ABI3BP: variants seen among roughly 807,000 people sequenced by gnomAD.
The protein encoded by ABI3BP is target of Nesh-SH3.
ABI3BP carries 216 observed loss-of-function variants against 268.6 expected under a neutral mutation model. The observed-to-expected ratio is 0.80, with a 90% CI of 0.72 to 0.90. ABI3BP has a LOEUF of 0.90. ABI3BP is among the 40% of genes least tolerant of loss of function. The probability of loss-of-function intolerance (pLI) is 0.00; values close to 1 mark genes in which losing one functional copy is unlikely to be tolerated. For synonymous variants in ABI3BP, 730 were observed against 730.0 expected (o/e 1.00, Z 0.00); for missense variants, 2,090 against 2,182.4 (o/e 0.96, Z 0.84).
intron 34 of ABI3BP, 55 bp from the exon 35 acceptor site, chr3:100,825,899 A>G: frequency 7.8e-7 from 1 of 1,281,856 alleles, no homozygotes. Flanking sequence ...GAGCTATAGT[A>G]TTCACATCAA....
Position 100,885,697 on chromosome 3 carries a change from T to A in ABI3BP, c.644-109A>T. The A allele has an allele frequency of 4.9e-6, 3 of 611,066 alleles. No individual in the cohort carries two copies. The South Asian group carries it at 8.2e-5, about 17-fold the overall frequency. 37.9% of individuals were successfully genotyped at this position (611,066 alleles called of 1,614,324 possible). On this transcript the variant is annotated intron_variant, in intron 5 of 67. Transcript: ENST00000471714. The stretch of plus-strand genomic sequence containing the variant: ...CAACTCATCCTCTAACTTGGATGTA[T>A]AATTTTAATCACTATCATTTTAAAC...
In ABI3BP at chr3:100,876,568, G is replaced by C; in HGVS notation, c.697-8C>G. The C allele has an allele frequency of 6.2e-7, 1 of 1,612,560 alleles. No homozygotes were observed. The highest frequency in any genetic ancestry group is 2.2e-5 in the East Asian group (1 of 44,822). ...CCTTGGGACATATGCTGGCTGCAAA[G>C]AGAAGAAGAAAGTCAACTTTTGAGT... On this transcript the variant is annotated splice_polypyrimidine_tract_variant and splice_region_variant and intron_variant, in intron 6 of 67. Transcript: ENST00000471714.
chr3:100,876,497 G>C lies in ABI3BP; in HGVS notation c.745+15C>G. ...AAAGATTGCTCTAAACACATTTCCA[G>C]AGCAGACAAATTACCTTGCTTGATG... On this transcript the variant is annotated intron_variant, in intron 7 of 67. Coordinates refer to ENST00000471714, the MANE Select transcript of ABI3BP (RefSeq NM_001375547.2). 6.2e-7 allele frequency: 1 copy of C among 1,609,034 alleles called. No homozygotes were observed. Among genetic ancestry groups the C allele is most frequent in the East Asian group, 2.2e-5 (1 of 44,736 alleles).
At chr3:100,830,110 CATATATAT>C (rs559297681) in intron 32 of ABI3BP, among the ~76,000 whole-genome samples, 568 of 44,236 alleles carry the variant, frequency 0.013, 6 homozygotes, top group South Asian at 0.017. Context: ...TACATACATA[CATATATAT>C]ATATATATAT....
chr3:100,760,646 G>A (rs1236641638), intron 63 of ABI3BP, among the ~76,000 whole-genome samples: 2 of 152,134 alleles, frequency 1.3e-5, no homozygotes, highest in East Asian at 3.8e-4. Flanking sequence ...GGAGACTTAA[G>A]AGAACGATAA....
intron 61 of ABI3BP, among the ~76,000 whole-genome samples, chr3:100,773,153 T>C (rs1348683947): frequency 1.3e-5 from 2 of 151,338 alleles, no homozygotes; most frequent in Non-Finnish European, 2.9e-5. Flanking sequence ...AAGTGAATTC[T>C]ACTAAAAATT....
At chr3:100,770,658 TCAA>T in intron 62 of ABI3BP, 82 bp downstream of exon 62, 5 of 1,294,598 alleles carry the variant, frequency 3.9e-6, no homozygotes, top group Non-Finnish European at 5.1e-6. Flanking sequence ...GCTTCACATG[TCAA>T]CGTTGACCCA....
chr3:100,819,559 G>A (rs1397881090), intron 40 of ABI3BP, among the ~76,000 whole-genome samples: 1 of 152,084 alleles, frequency 6.6e-6, no homozygotes, highest in Non-Finnish European at 1.5e-5. Flanking sequence ...GTGGCTGTGG[G>A]AAGATAGAAG....
chr3:100,892,050 C>T lies in ABI3BP; in HGVS notation c.462-5727G>A, dbSNP rs558977096. Among the ~76,000 whole-genome samples the T allele has an allele frequency of 2.8e-4, 43 of 152,240 alleles. No individual in the cohort carries two copies. In the South Asian group the frequency reaches 5.0e-3, roughly 18 times the overall value. On this transcript the variant is annotated intron_variant, in intron 4 of 67. Coordinates refer to ENST00000471714, the MANE Select transcript of ABI3BP (RefSeq NM_001375547.2). ...TACTACCCAGGCCCCTGGAAAGCAG[C>T]GTGGATTGGATTTACACCTCATTTC...
intron 8 of ABI3BP, among the ~76,000 whole-genome samples, chr3:100,875,156 A>G (rs1186698080): frequency 6.6e-6 from 1 of 152,194 alleles, no homozygotes; most frequent in Non-Finnish European, 1.5e-5. Flanking sequence ...CTTTTAATCC[A>G]CAGACTCAAA....
Position 100,937,077 on chromosome 3 carries a change from T to C in ABI3BP, c.80-10596A>G, listed in dbSNP as rs1194596256. ...ATAAAAATAGGCAGTGGGCTGGATT[T>C]GGCCTGCAGGTCATAGTTTGCCAAC... On this transcript the variant is annotated intron_variant, in intron 1 of 67. Coordinates refer to ENST00000471714, the MANE Select transcript of ABI3BP (RefSeq NM_001375547.2). 4.6e-5 allele frequency among the ~76,000 whole-genome samples: 7 copies of C among 152,178 alleles called. No individual in the cohort carries two copies. The East Asian group carries it at 9.7e-4, about 21-fold the overall frequency.
intron 1 of ABI3BP, among the ~76,000 whole-genome samples, chr3:100,931,334 A>T (rs1322640687): frequency 6.6e-6 from 1 of 152,114 alleles, no homozygotes; most frequent in Admixed American, 6.6e-5. Context: ...TAGTACTGGA[A>T]GTCTTAGCTA....
intron 65 of ABI3BP, 90 bp downstream of exon 65, chr3:100,753,729 G>A (rs367901345): frequency 2.3e-4 from 336 of 1,456,258 alleles, no homozygotes; most frequent in Middle Eastern, 3.5e-4. Flanking sequence ...GTGGAAAAAC[G>A]CGAAATCATG....
At chr3:100,769,699 T>C (rs554669574) in intron 62 of ABI3BP, among the ~76,000 whole-genome samples, 3 of 152,288 alleles carry the variant, frequency 2.0e-5, no homozygotes, top group African/African-American at 7.2e-5. Flanking sequence ...GATTAATTGA[T>C]TTTTAGATAT....
chr3:100,947,974 G>T lies in ABI3BP; in HGVS notation c.80-21493C>A, dbSNP rs1316844129. ...GCAATGAGTCAGCCAACGTTTAAGT[G>T]TGCATATTGGGTGAAGAGGGAGGGC... On this transcript the variant is annotated intron_variant, in intron 1 of 67. Coordinates refer to ENST00000471714, the MANE Select transcript of ABI3BP (RefSeq NM_001375547.2). 2.0e-5 allele frequency among the ~76,000 whole-genome samples: 3 copies of T among 152,136 alleles called. No homozygotes were observed. In the East Asian group the frequency reaches 5.8e-4, roughly 29 times the overall value.
chr3:100,770,378 G>A (rs553291375), intron 62 of ABI3BP, among the ~76,000 whole-genome samples: 2 of 152,202 alleles, frequency 1.3e-5, no homozygotes, highest in South Asian at 4.2e-4. Context: ...GAAAGTTCTA[G>A]GTCAATAAGA....
chr3:100,987,009 A>T (rs2091962768), intron 1 of ABI3BP, among the ~76,000 whole-genome samples: 1 of 152,168 alleles, frequency 6.6e-6, no homozygotes, highest in Non-Finnish European at 1.5e-5. Flanking sequence ...TTATTTGACT[A>T]GTAATCTCTC....
At chr3:100,880,844 T>C (rs2099221918) in intron 6 of ABI3BP, among the ~76,000 whole-genome samples, 1 of 152,188 alleles carries the variant, frequency 6.6e-6, no homozygotes, top group African/African-American at 2.4e-5. Context: ...TTTTGTAGGT[T>C]TGTCCATTTG....
At chr3:100,826,677 T>C (rs565251944) in intron 34 of ABI3BP, among the ~76,000 whole-genome samples, 1 of 152,190 alleles carries the variant, frequency 6.6e-6, no homozygotes, top group South Asian at 2.1e-4. Flanking sequence ...AAATGACTGA[T>C]GATCTTGCTG....
Sources: gnomAD v4.1 joint callset for allele counts (sites outside exome capture counted in the v4.1 genomes callset) on GRCh38, gnomAD v4.1.1 for gene constraint, MANE v1.5 for transcripts, NCBI Gene and HGNC (gene_info 2026-07-23, HGNC 2026-07-21) for gene names.